Variants in IL17RD observed in about 807,000 individuals in gnomAD.
IL17RD encodes interleukin-17 receptor D.
A neutral mutation model predicts 80.5 loss-of-function variants in IL17RD; 52 were observed. That is an observed-to-expected ratio of 0.65 (90% CI 0.52 to 0.81). The LOEUF (loss-of-function observed/expected upper bound fraction) is 0.81, where lower values mean the gene tolerates loss of function less well. Ranked by LOEUF, IL17RD falls within the 40% of genes least tolerant of loss-of-function variation. IL17RD has a pLI of 0.00. For synonymous variants in IL17RD, 416 were observed against 391.8 expected (o/e 1.06, Z -0.73); for missense variants, 1,024 against 955.1 (o/e 1.07, Z -0.95).
intron 1 of IL17RD, among the ~76,000 whole-genome samples, chr3:57,145,454 AG>A (rs1707907126): frequency 6.6e-6 from 1 of 152,238 alleles, no homozygotes; most frequent in African/African-American, 2.4e-5. Flanking sequence ...AGTGACCAGC[AG>A]AGCCGACAGG....
rs946226323 is a variant in IL17RD, at chr3:57,105,945, T to C, written c.659A>G (p.His220Arg). Residue 220 changes from histidine to arginine, a missense_variant, in exon 7 of 13, where the codon CAT becomes CGT. By Grantham distance (29) the His-to-Arg change is conservative (BLOSUM62 0). Coordinates refer to ENST00000296318, the MANE Select transcript of IL17RD (RefSeq NM_017563.5). ...HGSDMQVSFD[H>R]APHNFGFRFF... ...ACGGAAGCCGAAGTTGTGCGGTGCATGGTCGAAGGACACCTGCATGTCCGA... is the reference window on the plus strand; with the variant it reads ...ACGGAAGCCGAAGTTGTGCGGTGCACGGTCGAAGGACACCTGCATGTCCGA... 6.2e-7 allele frequency: 1 copy of C among 1,613,900 alleles called. No homozygotes were observed. The highest frequency in any genetic ancestry group is 1.1e-5 in the South Asian group (1 of 91,074).
intron 5 of IL17RD, among the ~76,000 whole-genome samples, chr3:57,109,115 T>A (rs1707033357): frequency 6.6e-6 from 1 of 152,308 alleles, no homozygotes; most frequent in Admixed American, 6.5e-5. Flanking sequence ...CATGCTTGTT[T>A]CATACCAGTA....
intron 5 of IL17RD, 86 bp downstream of exon 5, chr3:57,109,451 C>T (rs1479061864): frequency 8.7e-6 from 13 of 1,486,458 alleles, no homozygotes; most frequent in Admixed American, 6.0e-5. Context: ...GGCCTTGGCA[C>T]GTTCTTGAAC....
At position 57,097,890 on chromosome 3, in the gene IL17RD, C is replaced by T; in HGVS notation, c.1813G>A (p.Val605Ile). 2 of 1,613,994 alleles carry T rather than the reference C, an allele frequency of 1.2e-6. No individual in the cohort carries two copies. The highest frequency in any genetic ancestry group is 1.1e-5 in the South Asian group (1 of 91,082). The change falls in exon 12 of 13, where the codon GTA becomes ATA. Residue 605 changes from valine to isoleucine, a missense_variant. Transcript: ENST00000296318. ...GTTGCCCCAAGAACAGCCGCCTCTA[C>T]CTTTAGGCAGAAGTCACTCTCAGGC... ...PGPESDFCLKVEAAVLGATGP... is the reference protein window; with the variant it reads ...PGPESDFCLKIEAAVLGATGP...
chr3:57,149,776 C>T (rs1708017243), intron 1 of IL17RD, among the ~76,000 whole-genome samples: 1 of 152,162 alleles, frequency 6.6e-6, no homozygotes, highest in South Asian at 2.1e-4. Context: ...CCCACGCCTG[C>T]CTCTGCAATA....
chr3:57,144,727 A>AGT (rs55880716), intron 1 of IL17RD, among the ~76,000 whole-genome samples: 152,053 of 152,326 alleles, frequency 1, 75,891 homozygotes, highest in East Asian at 1. Flanking sequence ...ACTCAGGATA[A>AGT]GTTCTTGGAC....
intron 1 of IL17RD, among the ~76,000 whole-genome samples, chr3:57,160,861 A>G (rs2060299971): frequency 6.6e-6 from 1 of 152,210 alleles, no homozygotes. Context: ...TGATCCCATT[A>G]GCTTTCAATC....
In IL17RD at chr3:57,096,386, C is replaced by G. The variant is rs758500833; in HGVS notation, c.*7G>C. 3 of 1,601,614 alleles carry G rather than the reference C, an allele frequency of 1.9e-6. No individual in the cohort carries two copies. The highest frequency in any genetic ancestry group is 2.6e-6 in the Non-Finnish European group (3 of 1,168,684). ...TAAAGTGGCAATGCTTAGACTCTTT[C>G]GTTTTGTTACAAAGGGGCGACCGCG... On this transcript the variant is annotated 3_prime_UTR_variant, in exon 13 of 13. Transcript: ENST00000296318.
At chr3:57,118,386 C>T (rs556150771) in intron 2 of IL17RD, among the ~76,000 whole-genome samples, 2 of 152,216 alleles carry the variant, frequency 1.3e-5, no homozygotes, top group East Asian at 1.9e-4. Flanking sequence ...AGATTGTAAC[C>T]GCAACTTTTA....
In IL17RD at chr3:57,094,602, A is replaced by T. The variant is rs1224153679; in HGVS notation, c.*1791T>A. On this transcript the variant is annotated 3_prime_UTR_variant, in exon 13 of 13. Coordinates refer to ENST00000296318, the MANE Select transcript of IL17RD (RefSeq NM_017563.5). ...TAATGGTTCCTCTGGGACAGGAAAC[A>T]TCTCTTGGCCTCAATAAGAAATCTC... 1 of 152,220 alleles carries T rather than the reference A, an allele frequency of 6.6e-6. No individual in the cohort carries two copies. The highest frequency in any genetic ancestry group is 1.5e-5 in the Non-Finnish European group (1 of 68,052). The allele number at this position is 152,220 out of a possible 1,614,324, so 9.4% of individuals were successfully genotyped here. A position where few individuals can be genotyped will look rare whatever the true frequency, so the allele number is the denominator to read the frequency against.
At chr3:57,108,220 C>T (rs1392370664) in intron 5 of IL17RD, among the ~76,000 whole-genome samples, 4 of 152,000 alleles carry the variant, frequency 2.6e-5, no homozygotes, top group Middle Eastern at 3.4e-3. Flanking sequence ...CCACCACACC[C>T]GGCTAATTTT....
chr3:57,164,381 A>G (rs2060330564), intron 1 of IL17RD, among the ~76,000 whole-genome samples: 1 of 152,214 alleles, frequency 6.6e-6, no homozygotes, highest in African/African-American at 2.4e-5. Flanking sequence ...AGACAGTGTC[A>G]AAGGAGCGCT....
intron 1 of IL17RD, among the ~76,000 whole-genome samples, chr3:57,147,042 G>A (rs1029098307): frequency 5.1e-5 from 6 of 118,504 alleles, no homozygotes; most frequent in African/African-American, 1.9e-4. Context: ...TCACCACATT[G>A]GCCAAGCTGG....
intron 1 of IL17RD, chr3:57,164,951 C>CGGG (rs2060336582): frequency 1.2e-5 from 16 of 1,309,454 alleles, no homozygotes; most frequent in Non-Finnish European, 1.6e-5. Context: ...AAGCCGGGGT[C>CGGG]GGGCAGCCGC....
At chr3:57,147,607 A>G (rs1707959096) in intron 1 of IL17RD, among the ~76,000 whole-genome samples, 2 of 152,210 alleles carry the variant, frequency 1.3e-5, no homozygotes, top group African/African-American at 4.8e-5. Context: ...TGTTCATAGC[A>G]GCTTTGTAAC....
chr3:57,167,806 A>G (rs756440063), upstream of IL17RD, among the ~76,000 whole-genome samples: 12 of 151,992 alleles, frequency 7.9e-5, no homozygotes, highest in Non-Finnish European at 1.3e-4. Flanking sequence ...TCATGTTCCT[A>G]TGTATTTGTT....
chr3:57,159,080 G>A (rs2060286458), intron 1 of IL17RD, among the ~76,000 whole-genome samples: 1 of 151,350 alleles, frequency 6.6e-6, no homozygotes, highest in East Asian at 1.9e-4. Flanking sequence ...GCCATATATA[G>A]ATAAAACACA....
At chr3:57,164,995 C>T (rs2060337029) in intron 1 of IL17RD, 166 bp downstream of exon 1, 1 of 1,335,880 alleles carries the variant, frequency 7.5e-7, no homozygotes, top group South Asian at 1.8e-5. Flanking sequence ...GACACGCGTC[C>T]GGGGAGGGAA....
At chr3:57,116,282 C>CTTT (rs66563028) in intron 2 of IL17RD, among the ~76,000 whole-genome samples, 1 of 102,576 alleles carries the variant, frequency 9.7e-6, no homozygotes, top group Non-Finnish European at 2.1e-5. Flanking sequence ...TTTTTCTTTT[C>CTTT]TTTTTTTTTT....
Sources: gnomAD v4.1 joint callset for allele counts (sites outside exome capture counted in the v4.1 genomes callset) on GRCh38, gnomAD v4.1.1 for gene constraint, MANE v1.5 for transcripts, NCBI Gene and HGNC (gene_info 2026-07-23, HGNC 2026-07-21) for gene names.